Variants in CORIN observed in about 807,000 individuals in gnomAD.
CORIN encodes the protein corin, serine peptidase, also known as atrial natriuretic peptide-converting enzyme.
In CORIN, 117 loss-of-function variants were observed where a neutral mutation model predicts 125.3. The ratio of observed to expected loss-of-function variants is 0.93; its 90% CI spans 0.80 to 1.09. The LOEUF (loss-of-function observed/expected upper bound fraction) is 1.09, where lower values mean the gene tolerates loss of function less well. Ranked by LOEUF, CORIN falls within the 50% of genes least tolerant of loss-of-function variation. The pLI, the probability that CORIN is intolerant of heterozygous loss-of-function variation, is 0.00. For synonymous variants in CORIN, 450 were observed against 466.4 expected (o/e 0.96, Z 0.45); for missense variants, 1,253 against 1,306.7 (o/e 0.96, Z 0.63).
chr4:47,660,434 G>T (rs564297833), intron 12 of CORIN, among the ~76,000 whole-genome samples: 15 of 152,068 alleles, frequency 9.9e-5, no homozygotes, highest in Admixed American at 2.0e-4. Flanking sequence ...CATATGATAA[G>T]GGATTAATAA....
intron 5 of CORIN, among the ~76,000 whole-genome samples, chr4:47,733,012 A>G (rs1302958622): frequency 6.6e-6 from 1 of 152,124 alleles, no homozygotes; most frequent in Non-Finnish European, 1.5e-5. Context: ...CCACTGGCCT[A>G]TGAACTCTTT....
At chr4:47,681,225 A>C (rs993185866) in intron 7 of CORIN, 5 of 152,216 alleles carry the variant, frequency 3.3e-5, no homozygotes, top group Admixed American at 3.3e-4. Flanking sequence ...ATGGATCTTA[A>C]AGCATATTTT....
At chr4:47,734,218 A>G (rs1193543824) in intron 5 of CORIN, among the ~76,000 whole-genome samples, 1 of 152,220 alleles carries the variant, frequency 6.6e-6, no homozygotes, top group Non-Finnish European at 1.5e-5. Context: ...ACAGCTGTGA[A>G]AGCACTTCAG....
intron 1 of CORIN, among the ~76,000 whole-genome samples, chr4:47,824,310 G>GA (rs199791671): frequency 7.6e-4 from 105 of 139,060 alleles, no homozygotes; most frequent in South Asian, 1.4e-3. Flanking sequence ...AACAACAACA[G>GA]AAAAAAAAAA....
At chr4:47,823,561 G>A (rs2109978963) in intron 1 of CORIN, among the ~76,000 whole-genome samples, 1 of 152,188 alleles carries the variant, frequency 6.6e-6, no homozygotes, top group East Asian at 1.9e-4. Context: ...CATACACATA[G>A]GCCTCTGTAT....
chr4:47,774,262 A>G (rs894247756), intron 3 of CORIN, among the ~76,000 whole-genome samples: 97 of 152,288 alleles, frequency 6.4e-4, no homozygotes, highest in Non-Finnish European at 1.2e-3. Flanking sequence ...CCAGGGCTGC[A>G]TGCTCCACTG....
intron 5 of CORIN, among the ~76,000 whole-genome samples, chr4:47,713,144 T>C (rs1034768927): frequency 1.3e-5 from 2 of 152,092 alleles, no homozygotes; most frequent in Admixed American, 1.3e-4. Flanking sequence ...AAAGAGATAA[T>C]GGAAAAATCT....
chr4:47,655,903 A>G (rs1353533410), intron 12 of CORIN, among the ~76,000 whole-genome samples: 1 of 152,014 alleles, frequency 6.6e-6, no homozygotes, highest in East Asian at 1.9e-4. Context: ...AACTTTGCCA[A>G]ATATTTAAAG....
chr4:47,805,593 A>C (rs1731760002), intron 2 of CORIN, among the ~76,000 whole-genome samples: 3 of 152,316 alleles, frequency 2.0e-5, no homozygotes, highest in Admixed American at 1.3e-4. Context: ...CGCCTTTTGC[A>C]AATGTAAAAT....
chr4:47,599,669 T>G (rs2109501628), intron 21 of CORIN, among the ~76,000 whole-genome samples: 1 of 152,282 alleles, frequency 6.6e-6, no homozygotes, highest in South Asian at 2.1e-4. Flanking sequence ...ATCTAAAGGT[T>G]GAGTTCAGTG....
chr4:47,747,281 A>C (rs1728704463), intron 4 of CORIN, among the ~76,000 whole-genome samples: 1 of 151,954 alleles, frequency 6.6e-6, no homozygotes, highest in Non-Finnish European at 1.5e-5. Context: ...ATAGATGAAC[A>C]CTTAACCCTC....
At chr4:47,626,576 G>A in intron 16 of CORIN, 55 bp from the exon 17 acceptor site, 1 of 1,063,682 alleles carries the variant, frequency 9.4e-7, no homozygotes. Flanking sequence ...CTTTGAACAG[G>A]CATTATCATT....
intron 1 of CORIN, among the ~76,000 whole-genome samples, chr4:47,817,762 G>C (rs1268358266): frequency 4.6e-5 from 7 of 152,122 alleles, no homozygotes; most frequent in Non-Finnish European, 1.0e-4. Flanking sequence ...ACAGAGAAGG[G>C]GAGATCTCAA....
chr4:47,805,331 C>T (rs1731746205), intron 2 of CORIN, among the ~76,000 whole-genome samples: 2 of 151,936 alleles, frequency 1.3e-5, no homozygotes, highest in South Asian at 4.2e-4. Context: ...TATATACACC[C>T]ACTATGTACC....
At chr4:47,612,721 G>C (rs1220040863) in intron 19 of CORIN, among the ~76,000 whole-genome samples, 1 of 152,134 alleles carries the variant, frequency 6.6e-6, no homozygotes. Context: ...CTGAAACAAA[G>C]ACAAGGGTCC....
chr4:47,657,792 T>C (rs915846142), intron 12 of CORIN, among the ~76,000 whole-genome samples: 10 of 151,992 alleles, frequency 6.6e-5, no homozygotes, highest in African/African-American at 2.2e-4. Flanking sequence ...GAGTGAGAGA[T>C]GGTTCAAGCC....
intron 3 of CORIN, among the ~76,000 whole-genome samples, chr4:47,775,530 C>T (rs1023359640): frequency 3.5e-4 from 53 of 152,088 alleles, no homozygotes; most frequent in Non-Finnish European, 7.4e-4. Flanking sequence ...CATCCATGTC[C>T]CTACAAAGTC....
chr4:47,740,029 T>C (rs1235146752), intron 5 of CORIN, among the ~76,000 whole-genome samples: 2 of 151,878 alleles, frequency 1.3e-5, no homozygotes, highest in African/African-American at 4.8e-5. Flanking sequence ...ACAAAAGTCA[T>C]AGAGAAAACA....
chr4:47,814,552 G>A (rs1032191676), intron 1 of CORIN, among the ~76,000 whole-genome samples: 2 of 152,136 alleles, frequency 1.3e-5, no homozygotes, highest in Non-Finnish European at 2.9e-5. Context: ...TAGATTTGTT[G>A]AGTAACAGAT....
Sources: allele counts gnomAD v4.1 joint callset (sites outside exome capture counted in the v4.1 genomes callset), GRCh38; gene constraint gnomAD v4.1.1; transcripts MANE v1.5; gene names NCBI Gene and HGNC (gene_info 2026-07-23, HGNC 2026-07-21).